The following RAD51 variants were observed in gnomAD, a reference collection of about 807,000 sequenced individuals.
RAD51 encodes the protein DNA repair protein RAD51 homolog 1.
A neutral mutation model predicts 41.5 loss-of-function variants in RAD51; 14 were observed. The observed-to-expected ratio is 0.34, with a 90% CI of 0.22 to 0.53. RAD51 has a LOEUF of 0.53. Among genes scored for constraint, RAD51 ranks in the 20% least tolerant of loss-of-function variants. RAD51 has a pLI of 0.95. For synonymous variants in RAD51, 136 were observed against 148.6 expected (o/e 0.92, Z 0.62); for missense variants, 234 against 422.0 (o/e 0.55, Z 3.90).
chr15:40,718,141 A>G (rs185538989), intron 5 of RAD51, among the ~76,000 whole-genome samples: 33 of 152,272 alleles, frequency 2.2e-4, no homozygotes, highest in Middle Eastern at 6.8e-3. Flanking sequence ...GAGGATCTCC[A>G]GAGCCCGGAA....
chr15:40,713,994 C>CT (rs749995356), intron 5 of RAD51, among the ~76,000 whole-genome samples: 8,386 of 114,846 alleles, frequency 0.073, 1,129 homozygotes, highest in African/African-American at 0.26. Flanking sequence ...GAAATAAATT[C>CT]TTTTTTTTTT....
intron 5 of RAD51, among the ~76,000 whole-genome samples, chr15:40,718,297 C>G (rs187468567): frequency 1.3e-3 from 195 of 152,204 alleles, no homozygotes; most frequent in African/African-American, 4.6e-3. Flanking sequence ...GCAGGCAGAT[C>G]ACCTGAGGTC....
intron 1 of RAD51, among the ~76,000 whole-genome samples, chr15:40,697,384 G>A (rs1031401221): frequency 2.0e-5 from 3 of 152,074 alleles, no homozygotes; most frequent in Non-Finnish European, 2.9e-5. Flanking sequence ...GATTGCAGAC[G>A]TGAGCCACAG....
In RAD51 at chr15:40,716,451, C is replaced by T. The variant is rs747925704; in HGVS notation, c.436-2354C>T. ...GCATGATATCGCTCACTGCACCCTC[C>T]GCCTCCCAGGTTCAAGTGATTCTTG... On this transcript the variant is annotated intron_variant, in intron 5 of 9. Coordinates refer to ENST00000267868, the MANE Select transcript of RAD51 (RefSeq NM_002875.5). Among the ~76,000 whole-genome samples, 11 of 151,820 alleles carry T rather than the reference C, an allele frequency of 7.2e-5. No homozygotes were observed. The South Asian group carries it at 8.3e-4, about 11-fold the overall frequency.
At chr15:40,703,639 AC>A (rs1895140072) in intron 3 of RAD51, among the ~76,000 whole-genome samples, 1 of 152,068 alleles carries the variant, frequency 6.6e-6, no homozygotes, top group South Asian at 2.1e-4. Flanking sequence ...TCCTTATACT[AC>A]TTTTTATTTA....
chr15:40,724,674 C>CCTT (rs1345351450), intron 6 of RAD51, among the ~76,000 whole-genome samples: 3 of 94,344 alleles, frequency 3.2e-5, no homozygotes, highest in African/African-American at 1.3e-4. Flanking sequence ...TTTTTTATTT[C>CCTT]TTTTTTTTTT....
chr15:40,695,223 C>G lies in RAD51; in HGVS notation c.-205C>G, dbSNP rs916543739. 1 of 152,252 alleles carries G rather than the reference C, an allele frequency of 6.6e-6. No homozygotes were observed. The allele number at this position is 152,252 out of a possible 1,614,324, so 9.4% of individuals were successfully genotyped here. A position where few individuals can be genotyped will look rare whatever the true frequency, so the allele number is the denominator to read the frequency against. ...GCGCGCAGCGGCCAGAGACCGAGCC[C>G]TAAGGAGAGTGCGGCGCTTCCCGAG... is the stretch of plus-strand genomic sequence containing the variant. On this transcript the variant is annotated 5_prime_UTR_variant, in exon 1 of 10. Coordinates refer to ENST00000267868, the MANE Select transcript of RAD51 (RefSeq NM_002875.5).
intron 6 of RAD51, among the ~76,000 whole-genome samples, chr15:40,725,060 C>G (rs550345258): frequency 6.6e-6 from 1 of 151,346 alleles, no homozygotes; most frequent in Non-Finnish European, 1.5e-5. Flanking sequence ...CCACCGCGCC[C>G]GGCTAATTTT....
At chr15:40,717,717 C>T (rs1234042850) in intron 5 of RAD51, among the ~76,000 whole-genome samples, 3 of 152,126 alleles carry the variant, frequency 2.0e-5, no homozygotes, top group Non-Finnish European at 2.9e-5. Flanking sequence ...TTCTTGCTCA[C>T]ACTCGAAATT....
At chr15:40,703,065 A>T (rs1895102078) in intron 3 of RAD51, among the ~76,000 whole-genome samples, 1 of 152,270 alleles carries the variant, frequency 6.6e-6, no homozygotes, top group African/African-American at 2.4e-5. Flanking sequence ...TTGAGCTCCC[A>T]TGGCTTGTTA....
chr15:40,731,553 A>G lies in RAD51; in HGVS notation c.*375A>G. ...GACCTGACCCTTCTCTCACTTCTAA[A>G]TTAATGGTAAAATAAAATGCCTCAG... On this transcript the variant is annotated 3_prime_UTR_variant, in exon 10 of 10. Transcript: ENST00000267868. 3.0e-6 allele frequency: 1 copy of G among 330,464 alleles called. No homozygotes were observed. Among genetic ancestry groups the G allele is most frequent in the South Asian group, 5.1e-5 (1 of 19,726 alleles). The allele number at this position is 330,464 out of a possible 1,614,324, so 20.5% of individuals were successfully genotyped here.
At chr15:40,718,528 A>G (rs976435134) in intron 5 of RAD51, among the ~76,000 whole-genome samples, 2 of 152,080 alleles carry the variant, frequency 1.3e-5, no homozygotes, top group South Asian at 2.1e-4. Context: ...AAAAAAAAAA[A>G]AAGAAGAAAA....
At chr15:40,722,813 A>G (rs1314137151) in intron 6 of RAD51, among the ~76,000 whole-genome samples, 1 of 152,186 alleles carries the variant, frequency 6.6e-6, no homozygotes, top group Non-Finnish European at 1.5e-5. Flanking sequence ...TACAACACCA[A>G]ACACACAGTC....
At position 40,711,245 on chromosome 15, in the gene RAD51, AAAAC is replaced by A. The variant is rs755951126; in HGVS notation, c.435+2141_435+2144del. On this transcript the variant is annotated intron_variant, in intron 5 of 9. Transcript: ENST00000267868. ...CCCTGTTTCTGAGATGCCATTTCTA[AAAAC>A]AAACAAACAAAAACAGACAATTAAA... Among the ~76,000 whole-genome samples, 7 of 152,158 alleles carry A rather than the reference AAAAC, an allele frequency of 4.6e-5. No homozygotes were observed. In the East Asian group the frequency reaches 5.8e-4, roughly 13 times the overall value.
At chr15:40,723,735 TC>T (rs1896398084) in intron 6 of RAD51, among the ~76,000 whole-genome samples, 1 of 152,206 alleles carries the variant, frequency 6.6e-6, no homozygotes, top group Non-Finnish European at 1.5e-5. Flanking sequence ...TGGATTGTGT[TC>T]ATGGTTATAC....
chr15:40,728,701 T>C lies in RAD51; in HGVS notation c.531-10T>C. The C allele has an allele frequency of 1.2e-6, 2 of 1,610,764 alleles. No homozygotes were observed. The highest frequency in any genetic ancestry group is 1.7e-6 in the Non-Finnish European group (2 of 1,177,132). ...TGTGCAGCCTAAAAATGTTCTCTCC[T>C]CTCTCATAGGTATGGTCTCTCTGGC... On this transcript the variant is annotated splice_polypyrimidine_tract_variant and intron_variant, in intron 6 of 9. Coordinates refer to ENST00000267868, the MANE Select transcript of RAD51 (RefSeq NM_002875.5).
chr15:40,695,590 G>A (rs1196599593), intron 1 of RAD51, 165 bp downstream of exon 1: 1 of 152,340 alleles, frequency 6.6e-6, no homozygotes, highest in East Asian at 1.9e-4. Context: ...CAGCTGCTGG[G>A]GCGAAAACAC....
At chr15:40,707,026 T>C (rs1191332098) in intron 4 of RAD51, among the ~76,000 whole-genome samples, 1 of 152,048 alleles carries the variant, frequency 6.6e-6, no homozygotes, top group South Asian at 2.1e-4. Context: ...GGTCTCACTC[T>C]GTCACCCAGG....
At chr15:40,710,977 T>G (rs1895678685) in intron 5 of RAD51, among the ~76,000 whole-genome samples, 1 of 152,220 alleles carries the variant, frequency 6.6e-6, no homozygotes, top group Non-Finnish European at 1.5e-5. Context: ...TCTTTTTCCT[T>G]TACTTATGCT....
Sources: gnomAD v4.1 joint callset for allele counts (sites outside exome capture counted in the v4.1 genomes callset) on GRCh38, gnomAD v4.1.1 for gene constraint, MANE v1.5 for transcripts, NCBI Gene and HGNC (gene_info 2026-07-23, HGNC 2026-07-21) for gene names.